The following FLT3 variants were observed in gnomAD, a reference collection of about 807,000 sequenced individuals.
The protein encoded by FLT3 is receptor-type tyrosine-protein kinase FLT3.
Under a neutral mutation model 126.6 loss-of-function variants are expected in FLT3, and 46 were observed. That is an observed-to-expected ratio of 0.36 (90% CI 0.29 to 0.46). FLT3 has a LOEUF of 0.46. Ranked by LOEUF, FLT3 falls within the 20% of genes least tolerant of loss-of-function variation. The pLI is 1.00. For missense variants in FLT3, 1,069 were observed against 1,190.3 expected (o/e 0.90, Z 1.50); for synonymous variants, 404 against 434.4 (o/e 0.93, Z 0.87).
At chr13:28,033,252 G>C (rs985073380) in intron 15 of FLT3, among the ~76,000 whole-genome samples, 1 of 151,842 alleles carries the variant, frequency 6.6e-6, no homozygotes, top group Admixed American at 6.6e-5. Context: ...AGTGAGCTAT[G>C]ATCACAGCAC....
intron 9 of FLT3, among the ~76,000 whole-genome samples, chr13:28,040,972 A>G (rs899245740): frequency 6.6e-5 from 10 of 152,058 alleles, no homozygotes; most frequent in African/African-American, 2.4e-4. Flanking sequence ...TCAAAAAAAA[A>G]AAAAAAAATG....
intron 1 of FLT3, among the ~76,000 whole-genome samples, chr13:28,088,880 G>C (rs550155869): frequency 6.6e-6 from 1 of 152,136 alleles, no homozygotes; most frequent in Admixed American, 6.6e-5. Flanking sequence ...TGCCCACCCA[G>C]CCCAGAAAAC....
chr13:28,042,742 ATGT>A (rs1054241875), intron 9 of FLT3, among the ~76,000 whole-genome samples: 37 of 152,302 alleles, frequency 2.4e-4, no homozygotes, highest in African/African-American at 8.7e-4. Context: ...GCAGCCAGGA[ATGT>A]TGTCTCAAAC....
At chr13:28,049,888 C>G in intron 6 of FLT3, 114 bp from the exon 7 acceptor site, 1 of 1,208,954 alleles carries the variant, frequency 8.3e-7, no homozygotes, top group Non-Finnish European at 1.1e-6. Flanking sequence ...TATTACTAAC[C>G]ACATTAATAA....
chr13:28,033,772 T>G, intron 15 of FLT3, 115 bp downstream of exon 15: 1 of 841,156 alleles, frequency 1.2e-6, no homozygotes, highest in South Asian at 1.6e-5. Context: ...TTTTTAGCCT[T>G]GAAACATGGC....
intron 20 of FLT3, among the ~76,000 whole-genome samples, chr13:28,016,587 A>G (rs1478725314): frequency 6.6e-6 from 1 of 152,146 alleles, no homozygotes; most frequent in Non-Finnish European, 1.5e-5. Context: ...TTTCTTTTAC[A>G]TGGGTTGACG....
chr13:28,022,816 G>C (rs943216744), intron 19 of FLT3, among the ~76,000 whole-genome samples: 1 of 152,224 alleles, frequency 6.6e-6, no homozygotes, highest in Non-Finnish European at 1.5e-5. Context: ...AATTGGGGTA[G>C]AGACATGGTT....
Position 28,018,600 on chromosome 13 carries a change from T to C in FLT3, c.2419-11A>G. ...GTCTCTGTGAACACACTGTCAAGAA[T>C]GACACCAGAGTGTTATTTACTGTGA... On this transcript the variant is annotated splice_polypyrimidine_tract_variant and intron_variant, in intron 19 of 23. Transcript: ENST00000241453. 11 of 1,613,912 alleles carry C rather than the reference T, an allele frequency of 6.8e-6. No homozygotes were observed. Among genetic ancestry groups the C allele is most frequent in the Non-Finnish European group, 9.3e-6 (11 of 1,179,836 alleles).
At chr13:28,041,088 G>A (rs1874337476) in intron 9 of FLT3, among the ~76,000 whole-genome samples, 1 of 152,140 alleles carries the variant, frequency 6.6e-6, no homozygotes, top group Non-Finnish European at 1.5e-5. Context: ...GGACAACAAG[G>A]AGGAAATCAC....
At chr13:28,078,888 A>G (rs1205649839) in intron 1 of FLT3, among the ~76,000 whole-genome samples, 1 of 151,768 alleles carries the variant, frequency 6.6e-6, no homozygotes, top group African/African-American at 2.4e-5. Flanking sequence ...TAATTTTTGT[A>G]TTTTTAGTAG....
chr13:28,051,865 G>T (rs1875519102), intron 5 of FLT3, among the ~76,000 whole-genome samples: 1 of 150,850 alleles, frequency 6.6e-6, no homozygotes, highest in Non-Finnish European at 1.5e-5. Context: ...TTACTTATAA[G>T]ATAATTCTAC....
chr13:28,004,704 G>A (rs1345402500), intron 23 of FLT3, among the ~76,000 whole-genome samples: 1 of 152,216 alleles, frequency 6.6e-6, no homozygotes, highest in Non-Finnish European at 1.5e-5. Flanking sequence ...ATAGGTCTCA[G>A]AGGATATTCT....
At chr13:28,028,698 A>C (rs1313862709) in intron 15 of FLT3, among the ~76,000 whole-genome samples, 2 of 152,166 alleles carry the variant, frequency 1.3e-5, no homozygotes, top group African/African-American at 2.4e-5. Flanking sequence ...ACTCCATCTT[A>C]AAATAAATAA....
chr13:28,066,712 T>C (rs899946397), intron 2 of FLT3, among the ~76,000 whole-genome samples: 1 of 152,126 alleles, frequency 6.6e-6, no homozygotes, highest in East Asian at 1.9e-4. Flanking sequence ...AGTGCTTCCT[T>C]ACAAAGCATT....
intron 3 of FLT3, among the ~76,000 whole-genome samples, chr13:28,060,923 G>GTT (rs1195358521): frequency 6.6e-6 from 1 of 151,918 alleles, no homozygotes; most frequent in Non-Finnish European, 1.5e-5. Context: ...TTTTTAGAGA[G>GTT]TTTTAGACTT....
intron 1 of FLT3, among the ~76,000 whole-genome samples, chr13:28,078,789 C>A (rs1161598682): frequency 6.6e-6 from 1 of 151,698 alleles, no homozygotes; most frequent in Non-Finnish European, 1.5e-5. Context: ...CTTTGGCTCA[C>A]CACAACCTCC....
At chr13:28,046,674 C>A (rs993685642) in intron 9 of FLT3, among the ~76,000 whole-genome samples, 2 of 152,110 alleles carry the variant, frequency 1.3e-5, no homozygotes, top group Admixed American at 6.5e-5. Flanking sequence ...ATGGCTACTG[C>A]AGCCTCGACC....
intron 3 of FLT3, among the ~76,000 whole-genome samples, chr13:28,059,152 A>T (rs1423226726): frequency 6.6e-6 from 1 of 152,258 alleles, no homozygotes; most frequent in Non-Finnish European, 1.5e-5. Flanking sequence ...ATCACTTAAG[A>T]GAAGAATGTA....
Position 28,034,429 on chromosome 13 carries a change from C to G in FLT3, c.1598-22G>C, listed in dbSNP as rs781612808. ...GGGCCTGCAACAAAAGAGTGTCACT[C>G]AGCGATGAAACAGAATTCCTGTGTG... On this transcript the variant is annotated intron_variant, in intron 12 of 23. Coordinates refer to ENST00000241453, the MANE Select transcript of FLT3 (RefSeq NM_004119.3). The G allele has an allele frequency of 2.0e-6, 3 of 1,527,982 alleles. No homozygotes were observed. In the Admixed American group the frequency reaches 5.0e-5, roughly 26 times the overall value. The allele number at this position is 1,527,982 out of a possible 1,614,324, so 94.7% of individuals were successfully genotyped here. A position where few individuals can be genotyped will look rare whatever the true frequency, so the allele number is the denominator to read the frequency against.
Sources: allele counts gnomAD v4.1 joint callset (sites outside exome capture counted in the v4.1 genomes callset), GRCh38; gene constraint gnomAD v4.1.1; transcripts MANE v1.5; gene names NCBI Gene and HGNC (gene_info 2026-07-23, HGNC 2026-07-21).